The following CSMD1 variants were observed in gnomAD, a reference collection of about 807,000 sequenced individuals.
The protein encoded by CSMD1 is CUB and sushi domain-containing protein 1.
CSMD1 carries 213 observed loss-of-function variants against 417.5 expected under a neutral mutation model. The observed-to-expected ratio is 0.51, with a 90% confidence interval of 0.46 to 0.57. CSMD1 has a LOEUF of 0.57. Among genes scored for constraint, CSMD1 ranks in the 20% least tolerant of loss-of-function variants. The pLI, the probability that CSMD1 is intolerant of heterozygous loss-of-function variation, is 0.00. For synonymous variants in CSMD1, 2,862 were observed against 1,736.8 expected (o/e 1.65, Z -16.11); for missense variants, 6,923 against 4,529.7 (o/e 1.53, Z -15.17).
chr8:4,263,299 T>G, intron 3 of CSMD1, among the ~76,000 whole-genome samples: 1 of 152,168 alleles, frequency 6.6e-6, no homozygotes. Flanking sequence ...GGTACAGATT[T>G]ACTCCTCCCA....
intron 2 of CSMD1, among the ~76,000 whole-genome samples, chr8:4,529,929 G>C (rs921798687): frequency 5.5e-5 from 8 of 146,548 alleles, no homozygotes; most frequent in Non-Finnish European, 1.2e-4. Context: ...TTGTTTGTCT[G>C]TTTGAGACCG....
At chr8:4,655,974 G>C (rs1030729357) in intron 1 of CSMD1, among the ~76,000 whole-genome samples, 2 of 152,106 alleles carry the variant, frequency 1.3e-5, no homozygotes, top group Non-Finnish European at 2.9e-5. Context: ...TGTTAGTGCA[G>C]AGGGTTGGAC....
intron 3 of CSMD1, among the ~76,000 whole-genome samples, chr8:4,293,459 G>A (rs1011589736): frequency 7.9e-5 from 12 of 152,150 alleles, no homozygotes; most frequent in African/African-American, 2.9e-4. Context: ...ACTAATATGT[G>A]AAAATTATTA....
chr8:3,241,671 G>A (rs955292385), intron 26 of CSMD1, among the ~76,000 whole-genome samples: 8 of 152,142 alleles, frequency 5.3e-5, no homozygotes, highest in Admixed American at 3.3e-4. Context: ...CAGATTTCTG[G>A]CACTTGTAGC....
chr8:3,186,648 G>T (rs1358761889), intron 36 of CSMD1, among the ~76,000 whole-genome samples: 1 of 152,090 alleles, frequency 6.6e-6, no homozygotes, highest in Non-Finnish European at 1.5e-5. Context: ...AAGTAGAACG[G>T]AAATATTTAG....
intron 4 of CSMD1, among the ~76,000 whole-genome samples, chr8:4,021,670 A>G (rs1195718518): frequency 1.3e-5 from 2 of 152,164 alleles, no homozygotes; most frequent in Non-Finnish European, 2.9e-5. Context: ...CTTTTGGCGC[A>G]TACCTGCGAA....
chr8:3,392,920 G>T (rs1011424274), intron 17 of CSMD1, among the ~76,000 whole-genome samples: 1 of 151,990 alleles, frequency 6.6e-6, no homozygotes, highest in Non-Finnish European at 1.5e-5. Flanking sequence ...TTTAAACCCC[G>T]CAGGTAACCC....
chr8:4,559,583 C>T (rs537653635), intron 2 of CSMD1, among the ~76,000 whole-genome samples: 5 of 152,214 alleles, frequency 3.3e-5, no homozygotes, highest in Non-Finnish European at 5.9e-5. Context: ...TAGGAACTTA[C>T]ATAATTACCC....
intron 3 of CSMD1, among the ~76,000 whole-genome samples, chr8:4,387,392 A>G (rs1419687570): frequency 5.3e-5 from 8 of 152,054 alleles, no homozygotes; most frequent in Non-Finnish European, 1.2e-4. Context: ...ATAATCATGG[A>G]AAATATTTTA....
chr8:3,030,903 A>G (rs1456694357), intron 50 of CSMD1, among the ~76,000 whole-genome samples: 4 of 152,052 alleles, frequency 2.6e-5, no homozygotes. Flanking sequence ...TATACAGAAA[A>G]ATGTGGCTCT....
chr8:4,994,583 G>A lies in CSMD1; in HGVS notation c.-167C>T, dbSNP rs1811658299. On this transcript the variant is annotated 5_prime_UTR_variant, in exon 1 of 70. The change creates a premature stop within an existing upstream ORF in the 5' untranslated region. Coordinates refer to ENST00000635120, the MANE Select transcript of CSMD1 (RefSeq NM_033225.6). The stretch of plus-strand genomic sequence containing the variant: ...TCCTGAAGGTCTGGGCGCCCGGCTC[G>A]CTTCCCTCTCATAGCATCGGGTCCC... 3.2e-6 allele frequency: 2 copies of A among 631,588 alleles called. No homozygotes were observed. The highest frequency in any genetic ancestry group is 5.7e-6 in the Non-Finnish European group (2 of 353,528). The allele number at this position is 631,588 out of a possible 1,614,324, so 39.1% of individuals were successfully genotyped here. A position where few individuals can be genotyped will look rare whatever the true frequency, so the allele number is the denominator to read the frequency against.
intron 3 of CSMD1, among the ~76,000 whole-genome samples, chr8:4,173,116 G>A (rs1797857527): frequency 6.6e-6 from 1 of 152,224 alleles, no homozygotes; most frequent in East Asian, 1.9e-4. Context: ...CACGGAGGAA[G>A]TAACTATACA....
At chr8:3,108,130 A>G (rs1816264145) in intron 44 of CSMD1, among the ~76,000 whole-genome samples, 1 of 152,192 alleles carries the variant, frequency 6.6e-6, no homozygotes, top group South Asian at 2.1e-4. Context: ...CAGATTTGAT[A>G]ACGTCTGCCC....
chr8:4,953,110 T>A (rs906980158), intron 1 of CSMD1, among the ~76,000 whole-genome samples: 1 of 152,142 alleles, frequency 6.6e-6, no homozygotes, highest in South Asian at 2.1e-4. Context: ...TCAAATGGAA[T>A]TGTAACAGTT....
intron 5 of CSMD1, among the ~76,000 whole-genome samples, chr8:3,771,875 G>C (rs1798592233): frequency 6.6e-6 from 1 of 151,934 alleles, no homozygotes; most frequent in Admixed American, 6.6e-5. Context: ...TTTTGAATCT[G>C]CCACAGTCCT....
At chr8:3,678,257 C>T (rs1392951383) in intron 7 of CSMD1, among the ~76,000 whole-genome samples, 5 of 152,102 alleles carry the variant, frequency 3.3e-5, no homozygotes, top group Admixed American at 6.6e-5. Context: ...GGAGGAAGTT[C>T]GAACCCATCG....
At chr8:3,372,464 A>G (rs1287018976) in intron 18 of CSMD1, among the ~76,000 whole-genome samples, 1 of 152,148 alleles carries the variant, frequency 6.6e-6, no homozygotes, top group Non-Finnish European at 1.5e-5. Context: ...ACAGTGGTGA[A>G]GGGAGGAAGG....
intron 3 of CSMD1, among the ~76,000 whole-genome samples, chr8:4,145,594 G>T (rs1804063091): frequency 6.6e-6 from 1 of 150,850 alleles, no homozygotes; most frequent in Non-Finnish European, 1.5e-5. Context: ...TCACCATGTT[G>T]CATGGGCTAG....
intron 20 of CSMD1, among the ~76,000 whole-genome samples, chr8:3,362,344 A>G (rs897065586): frequency 6.6e-6 from 1 of 152,042 alleles, no homozygotes; most frequent in Non-Finnish European, 1.5e-5. Flanking sequence ...CTTCCACTCA[A>G]ATGATCTTAC....
Sources: allele counts gnomAD v4.1 joint callset (sites outside exome capture counted in the v4.1 genomes callset), GRCh38; gene constraint gnomAD v4.1.1; transcripts MANE v1.5; gene names NCBI Gene and HGNC (gene_info 2026-07-23, HGNC 2026-07-21).